The following LEMD3 variants were observed in gnomAD, a reference collection of about 807,000 sequenced individuals.
LEMD3 encodes the protein LEM domain containing 3.
Under a neutral mutation model 95.2 loss-of-function variants are expected in LEMD3, and 33 were observed. The observed-to-expected ratio is 0.35, with a 90% confidence interval of 0.26 to 0.46. LEMD3 has a LOEUF of 0.46. LEMD3 is among the 20% of genes least tolerant of loss of function. The pLI is 1.00. For synonymous variants in LEMD3, 525 were observed against 474.6 expected, an observed-to-expected ratio of 1.11 and a Z score of -1.38; for missense variants, 1,210 against 1,192.8, an observed-to-expected ratio of 1.01 and a Z score of -0.21.
chr12:65,201,495 C>T (rs1303627418), intron 1 of LEMD3, among the ~76,000 whole-genome samples: 1 of 152,078 alleles, frequency 6.6e-6, no homozygotes, highest in African/African-American at 2.4e-5. Context: ...TAGTTTTGCT[C>T]ATGTAGATTT....
At chr12:65,237,801 G>A (rs11175694) in intron 4 of LEMD3, among the ~76,000 whole-genome samples, 14,093 of 152,034 alleles carry the variant, frequency 0.093, 724 homozygotes, top group East Asian at 0.15. Flanking sequence ...TTGGTAACCC[G>A]GTCAGTTTTT....
intron 1 of LEMD3, among the ~76,000 whole-genome samples, chr12:65,198,830 G>A (rs953942594): frequency 6.6e-6 from 1 of 152,026 alleles, no homozygotes; most frequent in Non-Finnish European, 1.5e-5. Flanking sequence ...GTTAGCATTT[G>A]TTTTGTTTTT....
intron 1 of LEMD3, 88 bp downstream of exon 1, chr12:65,171,206 C>T (rs1452062754): frequency 1.4e-5 from 22 of 1,586,546 alleles, no homozygotes; most frequent in Non-Finnish European, 1.9e-5. Context: ...CATGAAGTGA[C>T]TTACCTGCAA....
In LEMD3 at chr12:65,245,526, A is replaced by C. The variant is rs988237226; in HGVS notation, c.2388-143A>C. On this transcript the variant is annotated intron_variant, in intron 10 of 12. Transcript: ENST00000308330. The stretch of plus-strand genomic sequence containing the variant: ...TAAATCTACCTCCTGTTAGTCAACA[A>C]GCATTTACTTAATACCAATTAAAAT... 8.9e-6 allele frequency: 6 copies of C among 670,856 alleles called. No homozygotes were observed. In the African/African-American group the frequency reaches 1.1e-4, roughly 12 times the overall value. The allele number at this position is 670,856 out of a possible 1,614,324, so 41.6% of individuals were successfully genotyped here.
In LEMD3 at chr12:65,241,056, A is replaced by T. The variant is rs1263801687; in HGVS notation, c.2274A>T (p.Leu758Phe). The change falls in exon 9 of 13, where the codon TTA becomes TTT. Residue 758 changes from leucine to phenylalanine, a missense_variant. Physicochemically the swap from Leu to Phe is conservative, Grantham distance 22. This residue lies in a region of LEMD3 where 461 missense variants were observed against 569.8 expected (regional missense o/e 0.81). Coordinates refer to ENST00000308330, the MANE Select transcript of LEMD3 (RefSeq NM_014319.5). ...IQPSASCDKI[L>F]VIPSKVWQGQ... ...CTTCTGCATCCTGTGACAAAATATT[A>T]GTTATACCTTCTAAAGTATGGCAAG... The T allele has an allele frequency of 6.2e-7, 1 of 1,614,050 alleles. No individual in the cohort carries two copies. Among genetic ancestry groups the T allele is most frequent in the African/African-American group, 1.3e-5 (1 of 75,058 alleles).
intron 1 of LEMD3, among the ~76,000 whole-genome samples, chr12:65,172,676 G>T (rs1868590103): frequency 6.6e-6 from 1 of 151,680 alleles, no homozygotes; most frequent in South Asian, 2.1e-4. Flanking sequence ...CCTATCAGCA[G>T]TAGCTATCTG....
Position 65,216,095 on chromosome 12 carries a change from A to G in LEMD3, c.1627+52A>G, listed in dbSNP as rs184766611. On this transcript the variant is annotated intron_variant, in intron 3 of 12. Transcript: ENST00000308330. ...TAAAAATGTTTTGAAAAATGTATGT[A>G]GCATGTTATTAGTAGAAAATATTTT... 33 of 1,087,390 alleles carry G rather than the reference A, an allele frequency of 3.0e-5. No individual in the cohort carries two copies. In the Admixed American group the frequency reaches 5.3e-4, roughly 17 times the overall value. The allele number at this position is 1,087,390 out of a possible 1,614,324, so 67.4% of individuals were successfully genotyped here.
chr12:65,239,938 T>A lies in LEMD3; in HGVS notation c.1931T>A (p.Met644Lys). ...TATATTAATATTACAGGTGTAGTGATGGTTTGTGTCGTTCTGCGTTACATG... is the reference window on the plus strand; with the variant it reads ...TATATTAATATTACAGGTGTAGTGAAGGTTTGTGTCGTTCTGCGTTACATG... Reference protein sequence around the residue: ...RLLLLCLGVVMVCVVLRYMKY... With the variant: ...RLLLLCLGVVKVCVVLRYMKY... Residue 644 changes from methionine to lysine, a missense_variant, in exon 7 of 13, where the codon ATG (methionine) becomes AAG (lysine). Around this residue, in one of 2 missense-constraint regions of LEMD3, gnomAD observed 461 missense variants for 569.8 expected, o/e 0.81. Transcript: ENST00000308330. 3 of 1,605,572 alleles carry A rather than the reference T, an allele frequency of 1.9e-6. No homozygotes were observed. The highest frequency in any genetic ancestry group is 2.6e-6 in the Non-Finnish European group (3 of 1,172,374).
intron 4 of LEMD3, among the ~76,000 whole-genome samples, chr12:65,224,021 C>T (rs188750124): frequency 6.6e-6 from 1 of 151,860 alleles, no homozygotes; most frequent in Non-Finnish European, 1.5e-5. Flanking sequence ...CTCTCTTCAT[C>T]CTTTATATTA....
intron 8 of LEMD3, 27 bp from the exon 9 acceptor site, chr12:65,240,882 A>G: frequency 1.2e-6 from 2 of 1,606,812 alleles, no homozygotes; most frequent in Non-Finnish European, 1.7e-6. Context: ...AGATGATAGT[A>G]AATTTGCCAT....
chr12:65,212,391 T>G (rs1018168352), intron 2 of LEMD3, among the ~76,000 whole-genome samples: 2 of 151,614 alleles, frequency 1.3e-5, no homozygotes, highest in Non-Finnish European at 2.9e-5. Flanking sequence ...CCTTGAAGAG[T>G]CCGGGCGTGG....
intron 4 of LEMD3, among the ~76,000 whole-genome samples, chr12:65,231,459 A>G (rs1342315693): frequency 6.6e-6 from 1 of 152,124 alleles, no homozygotes; most frequent in African/African-American, 2.4e-5. Flanking sequence ...CCAGGGCAGG[A>G]GGATCATGTG....
rs1592442159 is a variant in LEMD3 at position 65,201,997 on chromosome 12, G to C, written c.1523-8929G>C. Among the ~76,000 whole-genome samples, 5 of 150,156 alleles carry C rather than the reference G, an allele frequency of 3.3e-5. No individual in the cohort carries two copies. In the Middle Eastern group the frequency reaches 0.01, roughly 309 times the overall value. On this transcript the variant is annotated intron_variant, in intron 1 of 12. Coordinates refer to ENST00000308330, the MANE Select transcript of LEMD3 (RefSeq NM_014319.5). ...TATTTTACTGAGAGTTTTTTTTGAT[G>C]CGTGGGTATTGAACTTTTTTTTTTT...
At chr12:65,241,741 G>C (rs763591963) in intron 9 of LEMD3, among the ~76,000 whole-genome samples, 4 of 152,178 alleles carry the variant, frequency 2.6e-5, no homozygotes, top group Non-Finnish European at 4.4e-5. Context: ...AAGTATGTCA[G>C]TATTTGCTAA....
intron 1 of LEMD3, among the ~76,000 whole-genome samples, chr12:65,194,142 C>T (rs1321437913): frequency 6.6e-6 from 1 of 152,078 alleles, no homozygotes; most frequent in Non-Finnish European, 1.5e-5. Flanking sequence ...TTCCTTCTGT[C>T]AAGGTTCCAT....
intron 1 of LEMD3, among the ~76,000 whole-genome samples, chr12:65,176,781 G>A (rs1210417252): frequency 1.3e-5 from 2 of 152,160 alleles, no homozygotes; most frequent in African/African-American, 4.8e-5. Flanking sequence ...ATCTAAACTA[G>A]TGTTGTCTGG....
chr12:65,235,890 T>G (rs904313020), intron 4 of LEMD3, among the ~76,000 whole-genome samples: 12 of 152,316 alleles, frequency 7.9e-5, no homozygotes, highest in African/African-American at 2.6e-4. Flanking sequence ...ATTAAATACA[T>G]TGTCTGCAAT....
Position 65,215,966 on chromosome 12 carries a change from CTT to C in LEMD3, c.1561-10_1561-9del, listed in dbSNP as rs1870097806. ...AATTGGGTATTTCATAATAACTTCT[CTT>C]AATTTTAGGAAAGTGAAAAAACTCT... On this transcript the variant is annotated splice_polypyrimidine_tract_variant and intron_variant, in intron 2 of 12. Coordinates refer to ENST00000308330, the MANE Select transcript of LEMD3 (RefSeq NM_014319.5). 1 of 1,292,760 alleles carries C rather than the reference CTT, an allele frequency of 7.7e-7. No individual in the cohort carries two copies. Among genetic ancestry groups the C allele is most frequent in the East Asian group, 2.5e-5 (1 of 39,822 alleles). The allele number at this position is 1,292,760 out of a possible 1,614,324, so 80.1% of individuals were successfully genotyped here.
chr12:65,244,648 T>TTA (rs1420717188), intron 10 of LEMD3, among the ~76,000 whole-genome samples: 3 of 152,112 alleles, frequency 2.0e-5, no homozygotes, highest in African/African-American at 7.2e-5. Context: ...ATCATTACAA[T>TTA]TAAAGAAAAT....
Sources: allele counts gnomAD v4.1 joint callset (sites outside exome capture counted in the v4.1 genomes callset), GRCh38; gene constraint gnomAD v4.1.1; regional missense constraint gnomAD v4.1.1; transcripts MANE v1.5; gene names NCBI Gene and HGNC (gene_info 2026-07-23, HGNC 2026-07-21).